RECQL: variants seen among roughly 807,000 people sequenced by gnomAD.
RECQL encodes the protein RecQ like helicase.
In RECQL, 73 loss-of-function variants were observed where a neutral mutation model predicts 75.8. The ratio of observed to expected loss-of-function variants is 0.96; its 90% CI spans 0.80 to 1.17. The LOEUF is 1.17. RECQL is among the 50% of genes most tolerant of loss of function. RECQL has a pLI of 0.00. For synonymous variants in RECQL, 248 were observed against 254.4 expected (o/e 0.97, Z 0.24); for missense variants, 699 against 772.1 (o/e 0.91, Z 1.12).
chr12:21,501,106 A>C (rs1943605305), intron 1 of RECQL, 64 bp downstream of exon 1: 1 of 152,096 alleles, frequency 6.6e-6, no homozygotes, highest in African/African-American at 2.4e-5. Flanking sequence ...TTTAATATTA[A>C]TAACGCCCGC....
chr12:21,482,193 A>G (rs761060460), intron 6 of RECQL, among the ~76,000 whole-genome samples: 34 of 152,022 alleles, frequency 2.2e-4, no homozygotes, highest in Non-Finnish European at 3.2e-4. Flanking sequence ...AGATCTTAAG[A>G]AGGCAGGAAA....
chr12:21,471,374 TAA>T (rs56736899), intron 13 of RECQL, 52 bp downstream of exon 13: 18 of 1,475,528 alleles, frequency 1.2e-5, no homozygotes, highest in South Asian at 2.5e-5. Flanking sequence ...TTGCAATTTT[TAA>T]AAAAAAACCA....
chr12:21,494,601 G>C (rs970407149), intron 2 of RECQL, among the ~76,000 whole-genome samples: 1 of 152,122 alleles, frequency 6.6e-6, no homozygotes, highest in African/African-American at 2.4e-5. Flanking sequence ...TGGAGCTCTG[G>C]AATTTCCTGG....
intron 4 of RECQL, among the ~76,000 whole-genome samples, chr12:21,488,705 C>G (rs1943352713): frequency 6.6e-6 from 1 of 152,114 alleles, no homozygotes; most frequent in African/African-American, 2.4e-5. Context: ...CCTTTCCCCC[C>G]AAGCAATAAA....
chr12:21,486,155 T>C (rs569216881), intron 5 of RECQL, among the ~76,000 whole-genome samples: 3 of 152,320 alleles, frequency 2.0e-5, no homozygotes, highest in Admixed American at 6.5e-5. Flanking sequence ...AAAGCAGCCA[T>C]AGACAACATG....
In RECQL at chr12:21,483,374, A is replaced by T. The variant is rs756427402; in HGVS notation, c.700+2T>A. ...AAAGTTTTCTAGATAAAACATACAT[A>T]CCAGGTCTGAAATCATGTCCCCACT... On this transcript the variant is annotated splice_donor_variant, in intron 6 of 14. Transcript: ENST00000444129. LOFTEE classifies it high-confidence loss of function. 6.3e-7 allele frequency: 1 copy of T among 1,596,068 alleles called. No individual in the cohort carries two copies. The highest frequency in any genetic ancestry group is 1.1e-5 in the South Asian group (1 of 87,754).
intron 2 of RECQL, among the ~76,000 whole-genome samples, chr12:21,495,757 T>C (rs1471305547): frequency 1.3e-5 from 2 of 152,148 alleles, no homozygotes; most frequent in Non-Finnish European, 2.9e-5. Context: ...TTTCCAGAGA[T>C]TTAAAAGGTA....
intron 12 of RECQL, 139 bp from the exon 13 acceptor site, chr12:21,471,786 GAATTA>G: frequency 1.5e-6 from 1 of 663,838 alleles, no homozygotes; most frequent in South Asian, 1.8e-5. Context: ...AATGTATTCT[GAATTA>G]AGACTAGGCT....
In RECQL at chr12:21,491,588, A is replaced by T; in HGVS notation, c.145T>A (p.Cys49Ser). 6.2e-7 allele frequency: 1 copy of T among 1,613,034 alleles called. No homozygotes were observed. Among genetic ancestry groups the T allele is most frequent in the Non-Finnish European group, 8.5e-7 (1 of 1,179,858 alleles). The change falls in exon 3 of 15, where the codon TGT becomes AGT. Residue 49 changes from cysteine to serine, a missense_variant. Transcript: ENST00000444129. Reference protein sequence around the residue: ...KKVLTKKIKQCLEDSDAGASN... With the variant: ...KKVLTKKIKQSLEDSDAGASN... ...GCCCCGGCATCAGAATCCTCTAAAC[A>T]CTGCTTTATTTTCTTTGTCAGGACT...
chr12:21,483,504 G>A lies in RECQL; in HGVS notation c.572C>T (p.Pro191Leu). ...NSELKLIYVT[P>L]EKIAKSKMFM... is the part of the protein sequence containing the mutation. ...CATTTTGCTTTTTGCAATTTTCTCT[G>A]GAGTCACATAAATCAGCTTTAACTC... The change falls in exon 6 of 15, where the codon CCA becomes CTA. Residue 191 changes from proline (P) to leucine (L), a missense_variant. Physicochemically the swap from Pro to Leu is moderately conservative, Grantham distance 98 (BLOSUM62 -3). Around this residue, in one of 2 missense-constraint regions of RECQL, gnomAD observed 669 missense variants for 713.5 expected, o/e 0.94. Transcript: ENST00000444129. 1 of 1,586,526 alleles carries A rather than the reference G, an allele frequency of 6.3e-7. No individual in the cohort carries two copies. Among genetic ancestry groups the A allele is most frequent in the Non-Finnish European group, 8.5e-7 (1 of 1,172,254 alleles).
At chr12:21,491,462 GT>G in intron 3 of RECQL, 56 bp downstream of exon 3, 1 of 1,445,056 alleles carries the variant, frequency 6.9e-7, no homozygotes, top group Non-Finnish European at 9.1e-7. Flanking sequence ...ATTCATTCTA[GT>G]TTTTTAAAAT....
At chr12:21,476,051 GT>G (rs1356707307) in intron 8 of RECQL, among the ~76,000 whole-genome samples, 1 of 151,950 alleles carries the variant, frequency 6.6e-6, no homozygotes, top group Admixed American at 6.6e-5. Flanking sequence ...TTTTGTTCCT[GT>G]TATCTCTTTT....
chr12:21,475,624 G>A (rs766312782), intron 9 of RECQL, 39 bp from the exon 10 acceptor site: 1 of 1,606,662 alleles, frequency 6.2e-7, no homozygotes, highest in South Asian at 1.1e-5. Flanking sequence ...ATTAAATCAA[G>A]TTTAAATATT....
In RECQL at chr12:21,471,564, TGA is replaced by T; in HGVS notation, c.1529_1530del (p.Leu510HisfsTer7). 6.2e-7 allele frequency: 1 copy of T among 1,612,708 alleles called. No homozygotes were observed. ...LKQAEELNEK[L>X]TPLKLIDSWM... ...CAAGAATCAATCAGTTTCAATGGAG[TGA>T]GTTTTTCATTCAGTTCCTCTGCCTG... On this transcript the variant is annotated frameshift_variant, in exon 13 of 15. Coordinates refer to ENST00000444129, the MANE Select transcript of RECQL (RefSeq NM_002907.4). LOFTEE classifies it high-confidence loss of function.
rs756178394 is a variant in RECQL, at chr12:21,470,238, A to C, written c.1906T>G (p.Ser636Ala). Residue 636 changes from serine (S) to alanine (A), a missense_variant, in exon 15 of 15, where the codon TCT becomes GCT. Physicochemically the swap from Ser to Ala is moderately conservative, Grantham distance 99. Around this residue, in one of 2 missense-constraint regions of RECQL, gnomAD observed 30 missense variants for 58.6 expected, o/e 0.51. Coordinates refer to ENST00000444129, the MANE Select transcript of RECQL (RefSeq NM_002907.4). ...KAANMLQQSG[S>A]KNTGAKKRKI... ...CTTTTCTTAGCTCCTGTATTCTTAGAACCAGATTGCTGAAGCATGTTTGCA... is the reference window on the plus strand; with the variant it reads ...CTTTTCTTAGCTCCTGTATTCTTAGCACCAGATTGCTGAAGCATGTTTGCA... The C allele has an allele frequency of 3.2e-5, 52 of 1,609,844 alleles. No individual in the cohort carries two copies. The highest frequency in any genetic ancestry group is 4.2e-5 in the Non-Finnish European group (50 of 1,178,360).
chr12:21,477,292 T>C (rs992004767), intron 7 of RECQL, among the ~76,000 whole-genome samples: 2 of 152,188 alleles, frequency 1.3e-5, no homozygotes, highest in Admixed American at 1.3e-4. Flanking sequence ...GTAACATAAA[T>C]AACTCTTTAA....
At chr12:21,500,291 C>G (rs1943584694) in intron 1 of RECQL, among the ~76,000 whole-genome samples, 1 of 152,136 alleles carries the variant, frequency 6.6e-6, no homozygotes, top group Non-Finnish European at 1.5e-5. Context: ...TTCTAAGTAT[C>G]TATGAATGAC....
chr12:21,494,559 T>C (rs1943469900), intron 2 of RECQL, among the ~76,000 whole-genome samples: 1 of 152,018 alleles, frequency 6.6e-6, no homozygotes, highest in Admixed American at 6.6e-5. Context: ...AAAATTGGGA[T>C]GGAATAAAAC....
intron 4 of RECQL, 100 bp from the exon 5 acceptor site, chr12:21,486,685 T>TA: frequency 1.1e-6 from 1 of 869,662 alleles, no homozygotes; most frequent in South Asian, 1.7e-5. Context: ...TTTTTTTTTT[T>TA]TTAGAGATGG....
Sources: allele counts gnomAD v4.1 joint callset (sites outside exome capture counted in the v4.1 genomes callset), GRCh38; gene constraint gnomAD v4.1.1; regional missense constraint gnomAD v4.1.1; transcripts MANE v1.5; gene names NCBI Gene and HGNC (gene_info 2026-07-23, HGNC 2026-07-21).